SYT1: variants seen among roughly 807,000 people sequenced by gnomAD.
The protein encoded by SYT1 is synaptotagmin-1.
A neutral mutation model predicts 44.8 loss-of-function variants in SYT1; 8 were observed. The ratio of observed to expected loss-of-function variants is 0.18; its 90% CI spans 0.10 to 0.32. The LOEUF (loss-of-function observed/expected upper bound fraction) is 0.32. Ranked by LOEUF, SYT1 falls within the 10% of genes least tolerant of loss-of-function variation. The pLI, the probability that SYT1 is intolerant of heterozygous loss-of-function variation, is 1.00. For synonymous variants in SYT1, 154 were observed against 188.8 expected (o/e 0.82, Z 1.51); for missense variants, 286 against 509.3 (o/e 0.56, Z 4.22).
At chr12:78,927,865 G>A (rs913479102) in intron 1 of SYT1, among the ~76,000 whole-genome samples, 2 of 152,188 alleles carry the variant, frequency 1.3e-5, no homozygotes, top group African/African-American at 4.8e-5. Flanking sequence ...CTTTCAAAAT[G>A]ATGCTTCTAT....
intron 9 of SYT1, among the ~76,000 whole-genome samples, chr12:79,410,677 T>C (rs1456026936): frequency 1.3e-5 from 2 of 152,122 alleles, no homozygotes; most frequent in African/African-American, 2.4e-5. Context: ...TTTTCACTGG[T>C]TTTAAAACTT....
intron 1 of SYT1, among the ~76,000 whole-genome samples, chr12:78,900,695 C>T (rs1875613503): frequency 6.6e-6 from 1 of 151,916 alleles, no homozygotes; most frequent in Non-Finnish European, 1.5e-5. Flanking sequence ...CCTTGTAGGC[C>T]ATGGAAAGAA....
intron 1 of SYT1, among the ~76,000 whole-genome samples, chr12:78,867,835 G>A (rs1873623280): frequency 6.6e-6 from 1 of 151,840 alleles, no homozygotes; most frequent in Non-Finnish European, 1.5e-5. Flanking sequence ...TTGCATATTA[G>A]ACTGAAATTG....
chr12:79,194,919 G>A (rs1409384523), intron 3 of SYT1, among the ~76,000 whole-genome samples: 8 of 152,116 alleles, frequency 5.3e-5, no homozygotes, highest in East Asian at 1.9e-4. Context: ...TCCTGCCTGC[G>A]TAGACTTAAT....
chr12:79,449,846 C>CTCT lies in SYT1; in HGVS notation c.*724_*726dup, dbSNP rs1315469715. On this transcript the variant is annotated 3_prime_UTR_variant, in exon 11 of 11. Transcript: ENST00000261205. The stretch of plus-strand genomic sequence containing the variant: ...TTACAAAGCTAAAATAATGGCTTCA[C>CTCT]TCTTATATTTGAGGAAGCAACTGAA... 6.6e-6 allele frequency: 1 copy of CTCT among 152,064 alleles called. No homozygotes were observed. The highest frequency in any genetic ancestry group is 2.4e-5 in the African/African-American group (1 of 41,374). The allele number at this position is 152,064 out of a possible 1,614,324, so 9.4% of individuals were successfully genotyped here.
chr12:79,296,249 A>G lies in SYT1; in HGVS notation c.642+13A>G. On this transcript the variant is annotated intron_variant, in intron 7 of 10. Transcript: ENST00000261205. ...ATTTACTTTCAAGGTATTTGTTAAC[A>G]TTTATTTATAACCTTTCCTTTGTTG... is the stretch of plus-strand genomic sequence containing the variant. The G allele has an allele frequency of 6.2e-7, 1 of 1,609,854 alleles. No individual in the cohort carries two copies. Among genetic ancestry groups the G allele is most frequent in the Non-Finnish European group, 8.5e-7 (1 of 1,178,024 alleles).
At chr12:79,329,305 T>A (rs992557560) in intron 8 of SYT1, among the ~76,000 whole-genome samples, 3 of 152,164 alleles carry the variant, frequency 2.0e-5, no homozygotes, top group South Asian at 4.1e-4. Flanking sequence ...TCTGTGTGTC[T>A]AAGAAAAACC....
chr12:78,912,775 A>G (rs1014995491), intron 1 of SYT1, among the ~76,000 whole-genome samples: 2 of 151,964 alleles, frequency 1.3e-5, no homozygotes, highest in African/African-American at 4.8e-5. Flanking sequence ...TCATATAATA[A>G]GCAGGAGAAA....
intron 9 of SYT1, among the ~76,000 whole-genome samples, chr12:79,386,797 T>C (rs920498833): frequency 2.0e-5 from 3 of 152,196 alleles, no homozygotes; most frequent in Non-Finnish European, 4.4e-5. Context: ...CGTGCATCCA[T>C]GGGTCTGTAG....
At chr12:79,186,759 T>C (rs1044617683) in intron 3 of SYT1, among the ~76,000 whole-genome samples, 1 of 152,060 alleles carries the variant, frequency 6.6e-6, no homozygotes, top group Non-Finnish European at 1.5e-5. Flanking sequence ...TTCTGAGTAG[T>C]AGACAATGAA....
intron 1 of SYT1, among the ~76,000 whole-genome samples, chr12:78,894,375 A>G (rs1344710566): frequency 1.2e-5 from 1 of 84,544 alleles, no homozygotes; most frequent in Non-Finnish European, 2.1e-5. Context: ...TGTGATCACC[A>G]TAATGTAGTA....
At chr12:79,042,921 T>C (rs1323072976) in intron 2 of SYT1, among the ~76,000 whole-genome samples, 2 of 151,554 alleles carry the variant, frequency 1.3e-5, no homozygotes, top group Non-Finnish European at 2.9e-5. Flanking sequence ...TTAGTTTCCA[T>C]GTAGTTGAGC....
At chr12:79,074,681 C>G (rs1876514949) in intron 3 of SYT1, among the ~76,000 whole-genome samples, 1 of 152,144 alleles carries the variant, frequency 6.6e-6, no homozygotes, top group East Asian at 1.9e-4. Flanking sequence ...TGACTTTCCC[C>G]TCGACCTGTA....
At chr12:78,907,466 C>A (rs78243700) in intron 1 of SYT1, among the ~76,000 whole-genome samples, 11,791 of 151,798 alleles carry the variant, frequency 0.078, 746 homozygotes, top group African/African-American at 0.17. Flanking sequence ...TATATTAGCT[C>A]TCTGGGATAT....
At position 79,036,763 on chromosome 12, in the gene SYT1, C is replaced by A. The variant is rs112748197; in HGVS notation, c.-83-10534C>A. Reference sequence around the variant, plus strand: ...TGCATTGATCCTTTATTCATCTTTTCTATTTTTCTCATTTCTCTTTATATA... The same window carrying A: ...TGCATTGATCCTTTATTCATCTTTTATATTTTTCTCATTTCTCTTTATATA... On this transcript the variant is annotated intron_variant, in intron 2 of 10. Coordinates refer to ENST00000261205, the MANE Select transcript of SYT1 (RefSeq NM_005639.3). 1.4e-3 allele frequency among the ~76,000 whole-genome samples: 208 copies of A among 151,826 alleles called. 1 individual carries two copies. The highest frequency in any genetic ancestry group is 0.01 in the Middle Eastern group (3 of 294).
chr12:79,046,382 C>T (rs867785104), intron 2 of SYT1: 1 of 152,098 alleles, frequency 6.6e-6, no homozygotes, highest in Non-Finnish European at 1.5e-5. Flanking sequence ...TTAAATATTT[C>T]ATTCTTTCCT....
At position 78,947,752 on chromosome 12, in the gene SYT1, T is replaced by C. The variant is rs191649259; in HGVS notation, c.-216-30047T>C. On this transcript the variant is annotated intron_variant, in intron 1 of 10. Transcript: ENST00000261205. ...TCTTTATATAACTATTTAGGTTATTTTAATTGGTTTAAAAAAGCTCGAGTC... is the reference window on the plus strand; with the variant it reads ...TCTTTATATAACTATTTAGGTTATTCTAATTGGTTTAAAAAAGCTCGAGTC... Among the ~76,000 whole-genome samples the C allele has an allele frequency of 9.5e-4, 144 of 152,004 alleles. 1 individual carries two copies. The highest frequency in any genetic ancestry group is 3.3e-3 in the African/African-American group (137 of 41,522).
intron 3 of SYT1, among the ~76,000 whole-genome samples, chr12:79,048,264 ATG>A (rs1338052798): frequency 6.6e-6 from 1 of 151,986 alleles, no homozygotes; most frequent in Non-Finnish European, 1.5e-5. Context: ...ATGGAAAAAA[ATG>A]TAAGTTTGAT....
At chr12:78,948,471 T>G (rs562376683) in intron 1 of SYT1, among the ~76,000 whole-genome samples, 31 of 152,146 alleles carry the variant, frequency 2.0e-4, no homozygotes, top group Admixed American at 2.6e-4. Flanking sequence ...GTGATATACA[T>G]GATACAGATA....
Sources: gnomAD v4.1 joint callset for allele counts (sites outside exome capture counted in the v4.1 genomes callset) on GRCh38, gnomAD v4.1.1 for gene constraint, MANE v1.5 for transcripts, NCBI Gene and HGNC (gene_info 2026-07-23, HGNC 2026-07-21) for gene names.